Variants in BTBD7 observed in about 807,000 individuals in gnomAD.
BTBD7 encodes the protein BTB domain containing 7, also known as BTB/POZ domain-containing protein 7.
Under a neutral mutation model 99.9 loss-of-function variants are expected in BTBD7, and 38 were observed. That is an observed-to-expected ratio of 0.38 (90% CI 0.29 to 0.50). BTBD7 has a LOEUF of 0.50. Among genes scored for constraint, BTBD7 ranks in the 20% least tolerant of loss-of-function variants. BTBD7 has a pLI of 0.93. For missense variants in BTBD7, 1,170 were observed against 1,394.6 expected, an observed-to-expected ratio of 0.84 and a Z score of 2.57; for synonymous variants, 520 against 511.4, an observed-to-expected ratio of 1.02 and a Z score of -0.23.
At chr14:93,324,838 T>G (rs1299654214) in intron 1 of BTBD7, among the ~76,000 whole-genome samples, 1 of 152,346 alleles carries the variant, frequency 6.6e-6, no homozygotes, top group East Asian at 1.9e-4. Flanking sequence ...TCTCCAAGTC[T>G]GCTGCATGCA....
intron 9 of BTBD7, among the ~76,000 whole-genome samples, chr14:93,248,161 CT>C (rs1183037796): frequency 6.6e-6 from 1 of 152,146 alleles, no homozygotes; most frequent in Non-Finnish European, 1.5e-5. Context: ...CACTCTGGAT[CT>C]TCATAACAAT....
chr14:93,262,896 A>C (rs1366116995), intron 4 of BTBD7, among the ~76,000 whole-genome samples: 1 of 151,820 alleles, frequency 6.6e-6, no homozygotes, highest in Non-Finnish European at 1.5e-5. Context: ...TGATCAGGAC[A>C]ATGAGACAAG....
intron 3 of BTBD7, among the ~76,000 whole-genome samples, chr14:93,276,232 A>G (rs2052655172): frequency 6.6e-6 from 1 of 152,236 alleles, no homozygotes; most frequent in South Asian, 2.1e-4. Context: ...AAGTCTTACA[A>G]GATTTTCCCG....
At chr14:93,286,250 C>T (rs1720676119) in intron 3 of BTBD7, among the ~76,000 whole-genome samples, 1 of 152,222 alleles carries the variant, frequency 6.6e-6, no homozygotes, top group Admixed American at 6.5e-5. Flanking sequence ...GAGGTGGGCT[C>T]TGCCTCCTAT....
intron 1 of BTBD7, among the ~76,000 whole-genome samples, chr14:93,321,644 TG>T (rs1278421267): frequency 6.6e-6 from 1 of 152,172 alleles, no homozygotes; most frequent in Non-Finnish European, 1.5e-5. Flanking sequence ...GGCAAACTGT[TG>T]AACAGGCAAT....
chr14:93,293,687 C>G (rs538669136), intron 3 of BTBD7, among the ~76,000 whole-genome samples, 171 bp downstream of exon 3: 14 of 152,260 alleles, frequency 9.2e-5, no homozygotes, highest in African/African-American at 3.4e-4. Context: ...AAATAAAGAA[C>G]CACATTAATA....
chr14:93,320,403 G>A (rs2139821239), intron 1 of BTBD7, among the ~76,000 whole-genome samples: 1 of 152,318 alleles, frequency 6.6e-6, no homozygotes, highest in East Asian at 1.9e-4. Context: ...ACAAGGCACA[G>A]GACAGTCCTC....
At position 93,242,065 on chromosome 14, in the gene BTBD7, C is replaced by G; in HGVS notation, c.*208G>C. Reference sequence around the variant, plus strand: ...GCCTCCCGACATAATTGTTCAAAGACAAATTAGACAGATGCAACATTAAAA... The same window carrying G: ...GCCTCCCGACATAATTGTTCAAAGAGAAATTAGACAGATGCAACATTAAAA... On this transcript the variant is annotated 3_prime_UTR_variant, in exon 11 of 11. Transcript: ENST00000334746. 1 of 537,110 alleles carries G rather than the reference C, an allele frequency of 1.9e-6. No homozygotes were observed. The allele number at this position is 537,110 out of a possible 1,614,324, so 33.3% of individuals were successfully genotyped here.
intron 1 of BTBD7, among the ~76,000 whole-genome samples, chr14:93,310,770 CTTTTTTTTTT>C (rs56756515): frequency 8.6e-6 from 1 of 116,658 alleles, no homozygotes; most frequent in Non-Finnish European, 1.7e-5. Context: ...AACCAAAAAA[CTTTTTTTTTT>C]TTTTTTTTTT....
At chr14:93,295,904 G>T in intron 2 of BTBD7, 66 bp downstream of exon 2, 2 of 1,452,678 alleles carry the variant, frequency 1.4e-6, no homozygotes, top group Non-Finnish European at 1.9e-6. Context: ...CATCTACAGA[G>T]ACTACCGAAA....
chr14:93,329,188 A>AC (rs113278963), intron 1 of BTBD7, among the ~76,000 whole-genome samples: 11,922 of 152,194 alleles, frequency 0.078, 985 homozygotes, highest in African/African-American at 0.21. Context: ...CAACAAAAAA[A>AC]AATCCTAATT....
At chr14:93,271,621 G>A (rs1332576279) in intron 3 of BTBD7, among the ~76,000 whole-genome samples, 1 of 152,184 alleles carries the variant, frequency 6.6e-6, no homozygotes, top group Non-Finnish European at 1.5e-5. Context: ...AATAATGGAA[G>A]TGAGTGTGGC....
chr14:93,302,735 C>G, intron 1 of BTBD7, among the ~76,000 whole-genome samples: 1 of 152,054 alleles, frequency 6.6e-6, no homozygotes, highest in African/African-American at 2.4e-5. Context: ...GTCCCAGCTA[C>G]TCAGGAGGCT....
chr14:93,245,862 G>T lies in BTBD7; in HGVS notation c.2546C>A (p.Ala849Glu). Reference protein sequence around the residue: ...AAAAATTTSTATAAAAAASEK... With the variant: ...AAAAATTTSTETAAAAAASEK... ...AGATGCTGCTGCTGCTGCTGCTGTT[G>T]CTGTTGAGGTGGTGGTGGCGGCAGC... Residue 849 changes from alanine (A) to glutamate (E), a missense_variant, in exon 10 of 11, where the codon GCA becomes GAA. Physicochemically the swap from Ala to Glu is moderately radical, Grantham distance 107 (BLOSUM62 -1). Transcript: ENST00000334746. 6.2e-7 allele frequency: 1 copy of T among 1,613,712 alleles called. No homozygotes were observed.
chr14:93,327,251 T>C (rs1264006620), intron 1 of BTBD7, among the ~76,000 whole-genome samples: 1 of 152,244 alleles, frequency 6.6e-6, no homozygotes, highest in Non-Finnish European at 1.5e-5. Flanking sequence ...GGTTAAACCT[T>C]ACTCTTCTGC....
At chr14:93,254,185 C>A (rs1015530557) in intron 6 of BTBD7, among the ~76,000 whole-genome samples, 13 of 152,148 alleles carry the variant, frequency 8.5e-5, no homozygotes, top group Non-Finnish European at 1.8e-4. Context: ...GATCTGCCCA[C>A]CTCGGCCTCC....
rs147811693 is a variant in BTBD7, at chr14:93,290,766, C to G, written c.1162+3092G>C. Among the ~76,000 whole-genome samples, 717 of 152,084 alleles carry G rather than the reference C, an allele frequency of 4.7e-3. 4 individuals carry two copies. Among genetic ancestry groups the G allele is most frequent in the African/African-American group, 0.016 (672 of 41,484 alleles). Reference sequence around the variant, plus strand: ...TGTGCAGTGGTGCGATCTCAGCTCACTGCAACCTCCATCTCCCGGGTTCAA... The same window carrying G: ...TGTGCAGTGGTGCGATCTCAGCTCAGTGCAACCTCCATCTCCCGGGTTCAA... On this transcript the variant is annotated intron_variant, in intron 3 of 10. Transcript: ENST00000334746.
At chr14:93,265,421 G>T (rs150747894) in intron 3 of BTBD7, among the ~76,000 whole-genome samples, 1 of 152,212 alleles carries the variant, frequency 6.6e-6, no homozygotes, top group Non-Finnish European at 1.5e-5. Flanking sequence ...AGATAGGGAC[G>T]GCTATCTTCA....
intron 3 of BTBD7, among the ~76,000 whole-genome samples, chr14:93,284,739 T>C (rs905627367): frequency 6.6e-6 from 1 of 152,234 alleles, no homozygotes; most frequent in East Asian, 1.9e-4. Context: ...GAAAATACTT[T>C]TAACTTGGAA....
Sources: gnomAD v4.1 joint callset for allele counts (sites outside exome capture counted in the v4.1 genomes callset) on GRCh38, gnomAD v4.1.1 for gene constraint, MANE v1.5 for transcripts, NCBI Gene and HGNC (gene_info 2026-07-23, HGNC 2026-07-21) for gene names.